The following HUWE1 variants were observed in gnomAD, a reference collection of about 807,000 sequenced individuals.
HUWE1 encodes HECT, UBA and WWE domain containing E3 ubiquitin protein ligase 1, also known as E3 ubiquitin-protein ligase HUWE1.
Under a neutral mutation model 299.4 loss-of-function variants are expected in HUWE1, and 18 were observed. The ratio of observed to expected loss-of-function variants is 0.06; its 90% confidence interval spans 0.04 to 0.09. The LOEUF is 0.09. Among genes scored for constraint, HUWE1 ranks in the 10% least tolerant of loss-of-function variants. HUWE1 has a pLI of 1.00. For missense variants in HUWE1, 1,832 were observed against 3,462.3 expected (o/e 0.53, Z 11.82); for synonymous variants, 1,317 against 1,286.1 (o/e 1.02, Z -0.51).
At chrX:53,667,989 A>G (rs1187010473) in intron 3 of HUWE1, among the ~76,000 whole-genome samples, 1 of 111,406 alleles carries the variant, frequency 9.0e-6, no homozygotes, top group Non-Finnish European at 1.9e-5. Flanking sequence ...AAACACAGGT[A>G]TATGGTATTT....
intron 60 of HUWE1, 97 bp from the exon 61 acceptor site, chrX:53,555,017 C>T: frequency 1.6e-6 from 1 of 624,866 alleles, no homozygotes; most frequent in South Asian, 3.8e-5. Context: ...AAGTATCCCA[C>T]CCAGCCAGTG....
Position 53,624,541 on chromosome X carries a change from A to C in HUWE1, c.1672+54T>G, listed in dbSNP as rs2066362081. 5 of 760,658 alleles carry C rather than the reference A, an allele frequency of 6.6e-6. No homozygotes were observed. The Admixed American group carries it at 8.8e-5, about 13-fold the overall frequency. The allele number at this position is 760,658 out of a possible 1,213,427, so 62.7% of individuals were successfully genotyped here. On this transcript the variant is annotated intron_variant, in intron 19 of 83. Transcript: ENST00000262854. The stretch of plus-strand genomic sequence containing the variant: ...AGTAAGTAAGTAAATACAGAGAGAG[A>C]GAGCTCTGCCAGGTTATCCCAAATT...
chrX:53,666,886 T>A (rs1231652892), intron 3 of HUWE1, among the ~76,000 whole-genome samples: 2 of 111,575 alleles, frequency 1.8e-5, no homozygotes, highest in Non-Finnish European at 3.8e-5. Context: ...TGAATAACTA[T>A]CCAGTAAATG....
chrX:53,536,436 A>G lies in HUWE1; in HGVS notation c.12369T>C (p.Leu4123=). 1 of 1,211,196 alleles carries G rather than the reference A, an allele frequency of 8.3e-7. No individual in the cohort carries two copies. Among genetic ancestry groups the G allele is most frequent in the Non-Finnish European group, 1.1e-6 (1 of 895,275 alleles). Residue 4123 remains leucine, a synonymous_variant, in exon 79 of 84, where the codon CTT becomes CTC. Coordinates refer to ENST00000262854, the MANE Select transcript of HUWE1 (RefSeq NM_031407.7). The part of the protein sequence containing the change: ...IVAKAVYDNR[L]LECYFTRSFY... ...AGGATCGAGTAAAGTAGCACTCCAG[A>G]AGACGGTTGTCATATACAGCTTTGG...
intron 7 of HUWE1, among the ~76,000 whole-genome samples, chrX:53,635,677 A>T (rs1557026016): frequency 9.0e-6 from 1 of 111,395 alleles, no homozygotes; most frequent in African/African-American, 3.3e-5. Flanking sequence ...CTTATATTCT[A>T]TGTCTTCATT....
intron 47 of HUWE1, among the ~76,000 whole-genome samples, chrX:53,573,246 G>T (rs1358819583): frequency 9.0e-6 from 1 of 110,846 alleles, no homozygotes; most frequent in East Asian, 2.8e-4. Context: ...GCTCTTTCAG[G>T]TTTTTTTTGA....
intron 39 of HUWE1, among the ~76,000 whole-genome samples, chrX:53,586,211 C>G (rs2063850458): frequency 8.9e-6 from 1 of 112,005 alleles, no homozygotes; most frequent in South Asian, 3.7e-4. Context: ...GCACAATAAT[C>G]TTCATCTAAG....
chrX:53,553,001 TTC>T, intron 61 of HUWE1, 108 bp from the exon 62 acceptor site: 2 of 826,170 alleles, frequency 2.4e-6, no homozygotes, highest in South Asian at 2.2e-5. Flanking sequence ...CAGCTCAGAC[TTC>T]TCACTTCTCC....
In HUWE1 at chrX:53,575,628, T is replaced by C; in HGVS notation, c.6030+15A>G. 6.6e-6 allele frequency: 8 copies of C among 1,207,242 alleles called. No homozygotes were observed. Among genetic ancestry groups the C allele is most frequent in the Non-Finnish European group, 9.0e-6 (8 of 891,525 alleles). ...AAATGAGAAGAAAGATAAAACGCTG[T>C]TGGAATTGACTTACATTAATGGAAA... On this transcript the variant is annotated intron_variant, in intron 45 of 83. Transcript: ENST00000262854.
chrX:53,659,421 G>GT (rs199665691), intron 3 of HUWE1, among the ~76,000 whole-genome samples: 1,206 of 111,949 alleles, frequency 0.011, 22 homozygotes, highest in African/African-American at 0.038. Flanking sequence ...ATGCATATTA[G>GT]TAAGTGAAAG....
At chrX:53,544,007 T>C (rs781995086) in intron 72 of HUWE1, 39 bp from the exon 73 acceptor site, 22 of 1,104,498 alleles carry the variant, frequency 2.0e-5, no homozygotes, top group African/African-American at 1.6e-4. Context: ...ATATAAAATA[T>C]AGGAAGAGGG....
At chrX:53,548,860 G>T (rs1556925662) in intron 67 of HUWE1, 99 bp downstream of exon 67, 6 of 714,209 alleles carry the variant, frequency 8.4e-6, no homozygotes, top group Non-Finnish European at 6.5e-6. Context: ...CTTAAAATAA[G>T]AGCAAAAAGA....
At chrX:53,675,466 A>G (rs2069770150) in intron 3 of HUWE1, among the ~76,000 whole-genome samples, 1 of 111,687 alleles carries the variant, frequency 9.0e-6, no homozygotes, top group African/African-American at 3.3e-5. Context: ...ATGCATAGAC[A>G]GTGCAGGGGA....
At chrX:53,573,232 CCTAG>C (rs1482221428) in intron 47 of HUWE1, among the ~76,000 whole-genome samples, 1 of 111,437 alleles carries the variant, frequency 9.0e-6, no homozygotes, top group Non-Finnish European at 1.9e-5. Context: ...TGAAAAAAGG[CCTAG>C]CTCTTTCAGG....
intron 4 of HUWE1, among the ~76,000 whole-genome samples, chrX:53,653,679 TACCAC>T (rs782351052): frequency 8.9e-6 from 1 of 112,675 alleles, no homozygotes; most frequent in South Asian, 3.7e-4. Flanking sequence ...AGAAAGATGT[TACCAC>T]TTTCATTTTC....
chrX:53,624,773 G>T, intron 18 of HUWE1, 98 bp from the exon 19 acceptor site: 1 of 611,840 alleles, frequency 1.6e-6, no homozygotes, highest in Non-Finnish European at 2.7e-6. Flanking sequence ...TCACACTGTG[G>T]TCCTCAAAGC....
chrX:53,584,420 T>G, intron 40 of HUWE1, 75 bp from the exon 41 acceptor site: 1 of 859,266 alleles, frequency 1.2e-6, no homozygotes, highest in South Asian at 2.1e-5. Flanking sequence ...GAGGGACATC[T>G]CCCAGGTAAA....
At chrX:53,553,558 C>A (rs1022618964) in intron 61 of HUWE1, among the ~76,000 whole-genome samples, 100 of 107,645 alleles carry the variant, frequency 9.3e-4, no homozygotes, top group Non-Finnish European at 9.6e-4. Context: ...GCCTGTAATC[C>A]AAGCACTTTG....
At chrX:53,553,542 G>A (rs1389945720) in intron 61 of HUWE1, among the ~76,000 whole-genome samples, 14 of 106,783 alleles carry the variant, frequency 1.3e-4, no homozygotes, top group African/African-American at 4.7e-4. Flanking sequence ...GGGCGCAGTG[G>A]CTCATGCCTG....
Sources: allele counts gnomAD v4.1 joint callset (sites outside exome capture counted in the v4.1 genomes callset), GRCh38; gene constraint gnomAD v4.1.1; transcripts MANE v1.5; gene names NCBI Gene and HGNC (gene_info 2026-07-23, HGNC 2026-07-21).